The following MEGF10 variants were observed in gnomAD, a reference collection of about 807,000 sequenced individuals.
MEGF10 encodes the protein multiple epidermal growth factor-like domains protein 10.
MEGF10 carries 86 observed loss-of-function variants against 147.5 expected under a neutral mutation model. That is an observed-to-expected ratio of 0.58 (90% confidence interval 0.49 to 0.70). MEGF10 has a LOEUF of 0.70. Ranked by LOEUF, MEGF10 falls within the 30% of genes least tolerant of loss-of-function variation. The pLI is 0.00. For missense variants in MEGF10, 1,329 were observed against 1,487.3 expected (o/e 0.89, Z 1.75); for synonymous variants, 478 against 525.5 (o/e 0.91, Z 1.24).
chr5:127,400,918 T>C (rs559391723), intron 7 of MEGF10, among the ~76,000 whole-genome samples: 1 of 152,350 alleles, frequency 6.6e-6, no homozygotes, highest in South Asian at 2.1e-4. Flanking sequence ...CTTTACAACA[T>C]GTTATTTGTG....
chr5:127,232,331 T>G, the MEGF10 span, among the ~76,000 whole-genome samples: 1 of 152,234 alleles, frequency 6.6e-6, no homozygotes, highest in African/African-American at 2.4e-5. Context: ...CTTCCTCATT[T>G]TGCTTAAATT....
chr5:127,272,132 T>A, the MEGF10 span, among the ~76,000 whole-genome samples: 1 of 152,200 alleles, frequency 6.6e-6, no homozygotes, highest in African/African-American at 2.4e-5. Flanking sequence ...GGAGTCCAGT[T>A]TCAATTTTCT....
At chr5:127,274,770 T>C in the MEGF10 span, among the ~76,000 whole-genome samples, 4 of 152,216 alleles carry the variant, frequency 2.6e-5, no homozygotes, top group African/African-American at 9.6e-5. Flanking sequence ...CTCTGAAATT[T>C]GTTTTGATGT....
intron 21 of MEGF10, among the ~76,000 whole-genome samples, chr5:127,448,314 C>T: frequency 6.6e-6 from 1 of 152,224 alleles, no homozygotes; most frequent in Middle Eastern, 3.4e-3. Flanking sequence ...TCCTATAAAT[C>T]AAGAGTGATT....
At chr5:127,279,347 A>G in the MEGF10 span, among the ~76,000 whole-genome samples, 5 of 152,170 alleles carry the variant, frequency 3.3e-5, no homozygotes, top group Non-Finnish European at 7.3e-5. Context: ...ATTGTTGATC[A>G]TGACAAAGTC....
the MEGF10 span, among the ~76,000 whole-genome samples, chr5:127,281,001 G>C: frequency 6.6e-6 from 1 of 152,182 alleles, no homozygotes; most frequent in African/African-American, 2.4e-5. Context: ...AATTCTTTTG[G>C]CAGCTCAGGG....
At chr5:127,365,555 G>A (rs1580768611) in intron 4 of MEGF10, among the ~76,000 whole-genome samples, 1 of 152,312 alleles carries the variant, frequency 6.6e-6, no homozygotes, top group East Asian at 1.9e-4. Context: ...TGTCCATCAG[G>A]CAGACAGACT....
chr5:127,360,814 A>G (rs1762444451), intron 4 of MEGF10, among the ~76,000 whole-genome samples: 1 of 151,698 alleles, frequency 6.6e-6, no homozygotes, highest in Admixed American at 6.6e-5. Flanking sequence ...TATATAGGTT[A>G]TATATATATG....
intron 9 of MEGF10, among the ~76,000 whole-genome samples, chr5:127,416,322 C>T (rs554910405): frequency 6.6e-6 from 1 of 151,880 alleles, no homozygotes; most frequent in East Asian, 2.0e-4. Flanking sequence ...GCCACCATGC[C>T]TGGCCCAAGG....
At chr5:127,373,338 G>A (rs1332556459) in intron 5 of MEGF10, among the ~76,000 whole-genome samples, 1 of 152,088 alleles carries the variant, frequency 6.6e-6, no homozygotes, top group Non-Finnish European at 1.5e-5. Flanking sequence ...TTTTAGCAGA[G>A]ACGGGGTTTC....
At chr5:127,425,306 TCCATCTGTGGCCG>T (rs1369153372) in intron 13 of MEGF10, among the ~76,000 whole-genome samples, 1 of 152,208 alleles carries the variant, frequency 6.6e-6, no homozygotes, top group Admixed American at 6.5e-5. Context: ...TAATCCTCTG[TCCATCTGTGGCCG>T]GCCTGCTTCT....
At chr5:127,246,554 G>A in the MEGF10 span, among the ~76,000 whole-genome samples, 1 of 151,176 alleles carries the variant, frequency 6.6e-6, no homozygotes, top group Non-Finnish European at 1.5e-5. Flanking sequence ...GTATACCTAT[G>A]TAACAAACCT....
chr5:127,319,084 T>G (rs1436514634), intron 1 of MEGF10, among the ~76,000 whole-genome samples: 1 of 129,158 alleles, frequency 7.7e-6, no homozygotes, highest in Non-Finnish European at 1.6e-5. Context: ...TTCCTTTCTC[T>G]CTTCCTTTCT....
intron 8 of MEGF10, 44 bp from the exon 9 acceptor site, chr5:127,410,345 G>A (rs367928679): frequency 1.9e-6 from 3 of 1,569,578 alleles, no homozygotes; most frequent in African/African-American, 2.7e-5. Flanking sequence ...TTTTCACATG[G>A]CACTAACTAA....
intron 5 of MEGF10, among the ~76,000 whole-genome samples, chr5:127,388,672 A>G (rs536550398): frequency 7.9e-4 from 120 of 151,878 alleles, no homozygotes; most frequent in Non-Finnish European, 1.6e-3. Flanking sequence ...CAGCCTCCCA[A>G]GTAGCTGGGA....
intron 1 of MEGF10, among the ~76,000 whole-genome samples, chr5:127,294,201 A>T (rs1480551424): frequency 6.6e-6 from 1 of 152,186 alleles, no homozygotes; most frequent in East Asian, 1.9e-4. Flanking sequence ...GCGAGTTCCC[A>T]TTCTTGTGGA....
chr5:127,267,655 G>T, the MEGF10 span, among the ~76,000 whole-genome samples: 1 of 152,124 alleles, frequency 6.6e-6, no homozygotes, highest in African/African-American at 2.4e-5. Flanking sequence ...TCTTGGGAGG[G>T]TGTATGTGTC....
intron 5 of MEGF10, among the ~76,000 whole-genome samples, chr5:127,374,948 T>A (rs982233945): frequency 7.9e-5 from 12 of 152,316 alleles, no homozygotes; most frequent in Admixed American, 3.9e-4. Context: ...GCTCAAACCA[T>A]CATTACTGAA....
At chr5:127,298,433 C>G (rs888071740) in intron 1 of MEGF10, among the ~76,000 whole-genome samples, 2 of 152,188 alleles carry the variant, frequency 1.3e-5, no homozygotes, top group African/African-American at 2.4e-5. Flanking sequence ...AACAGATGTG[C>G]AAAATCAGAC....
Sources: gnomAD v4.1 joint callset for allele counts (sites outside exome capture counted in the v4.1 genomes callset) on GRCh38, gnomAD v4.1.1 for gene constraint, MANE v1.5 for transcripts, NCBI Gene and HGNC (gene_info 2026-07-23, HGNC 2026-07-21) for gene names.